Variants in IL1RL1 observed in about 807,000 individuals in gnomAD.
IL1RL1 encodes the protein interleukin 1 receptor like 1.
IL1RL1 carries 32 observed loss-of-function variants against 50.9 expected under a neutral mutation model. That is an observed-to-expected ratio of 0.63 (90% CI 0.47 to 0.84). The LOEUF (loss-of-function observed/expected upper bound fraction) is 0.84, where lower values mean the gene tolerates loss of function less well. Among genes scored for constraint, IL1RL1 ranks in the 40% least tolerant of loss-of-function variants. IL1RL1 has a pLI of 0.00. For synonymous variants in IL1RL1, 275 were observed against 236.0 expected (o/e 1.17, Z -1.51); for missense variants, 773 against 662.9 (o/e 1.17, Z -1.82).
At chr2:102,316,264 T>C (rs956050023) in intron 1 of IL1RL1, among the ~76,000 whole-genome samples, 2 of 152,242 alleles carry the variant, frequency 1.3e-5, no homozygotes, top group Non-Finnish European at 2.9e-5. Context: ...AAGACTTGTC[T>C]GTCCCTGAGC....
At chr2:102,326,248 A>G (rs1676993988) in intron 1 of IL1RL1, among the ~76,000 whole-genome samples, 1 of 152,200 alleles carries the variant, frequency 6.6e-6, no homozygotes, top group Non-Finnish European at 1.5e-5. Context: ...TATCTAGCCA[A>G]ACTAAGCTTC....
intron 1 of IL1RL1, among the ~76,000 whole-genome samples, chr2:102,331,025 G>A (rs1677164491): frequency 6.6e-6 from 1 of 152,038 alleles, no homozygotes; most frequent in Non-Finnish European, 1.5e-5. Context: ...ACTTATGTTG[G>A]CACTTTAATC....
rs764808687 is a variant in IL1RL1, at chr2:102,339,054, T to G, written c.272+7T>G. The G allele has an allele frequency of 6.3e-7, 1 of 1,592,454 alleles. No homozygotes were observed. Among genetic ancestry groups the G allele is most frequent in the Admixed American group, 1.7e-5 (1 of 59,926 alleles). On this transcript the variant is annotated splice_region_variant and intron_variant, in intron 3 of 10. Coordinates refer to ENST00000233954, the MANE Select transcript of IL1RL1 (RefSeq NM_016232.5). Reference sequence around the variant, plus strand: ...ATACCTGTATTGTCAGAAGGTATTATGCAGAAGGCTCCCATCTTCTTTCAC... The same window carrying G: ...ATACCTGTATTGTCAGAAGGTATTAGGCAGAAGGCTCCCATCTTCTTTCAC...
At position 102,347,953 on chromosome 2, in the gene IL1RL1, C is replaced by G. The variant is rs775650722; in HGVS notation, c.979C>G (p.His327Asp). The G allele has an allele frequency of 6.7e-7, 1 of 1,500,654 alleles. No homozygotes were observed. The highest frequency in any genetic ancestry group is 9.3e-7 in the Non-Finnish European group (1 of 1,077,710). 93.0% of individuals were successfully genotyped at this position (1,500,654 alleles called of 1,614,324 possible). Reference sequence around the variant, plus strand: ...TTCTTTCTTTTGAATAGTTGATCATCATAGCATCTACTGCATAATTGCAGT... The same window carrying G: ...TTCTTTCTTTTGAATAGTTGATCATGATAGCATCTACTGCATAATTGCAGT... ...RLSRKNPIDH[H>D]SIYCIIAVCS... Residue 327 changes from histidine to aspartate, a missense_variant, in exon 9 of 11, where the codon CAT becomes GAT. Transcript: ENST00000233954.
At chr2:102,311,945 T>C (rs13029428) in intron 1 of IL1RL1, among the ~76,000 whole-genome samples, 5,582 of 34,094 alleles carry the variant, frequency 0.16, 701 homozygotes, top group Middle Eastern at 0.52. Context: ...TATATAATAT[T>C]ATATATAATA....
intron 1 of IL1RL1, among the ~76,000 whole-genome samples, chr2:102,323,292 GTGTA>G (rs2104965887): frequency 6.9e-6 from 1 of 144,898 alleles, no homozygotes; most frequent in African/African-American, 2.7e-5. Flanking sequence ...GTGTGTGTGT[GTGTA>G]TATATATATG....
In IL1RL1 at chr2:102,320,507, G is replaced by A. The variant is rs951412373; in HGVS notation, c.-150+8884G>A. Among the ~76,000 whole-genome samples the A allele has an allele frequency of 2.0e-5, 3 of 152,102 alleles. No individual in the cohort carries two copies. In the South Asian group the frequency reaches 6.2e-4, roughly 32 times the overall value. On this transcript the variant is annotated intron_variant, in intron 1 of 10. Coordinates refer to ENST00000233954, the MANE Select transcript of IL1RL1 (RefSeq NM_016232.5). ...GTATCTCTAGCCCAATATGTCTCCTGAATTTCAGAAGCAGATATTCATCCT... is the reference window on the plus strand; with the variant it reads ...GTATCTCTAGCCCAATATGTCTCCTAAATTTCAGAAGCAGATATTCATCCT...
intron 1 of IL1RL1, among the ~76,000 whole-genome samples, chr2:102,333,096 G>A (rs562483060): frequency 5.1e-4 from 78 of 152,246 alleles, no homozygotes; most frequent in Non-Finnish European, 9.1e-4. Flanking sequence ...CTGTAAAGAC[G>A]TTGGCTTTTC....
rs529962079 is a variant in IL1RL1 at position 102,340,899 on chromosome 2, T to C, written c.610+71T>C. The C allele has an allele frequency of 5.5e-6, 7 of 1,270,504 alleles. No homozygotes were observed. The Admixed American group carries it at 2.0e-4, about 36-fold the overall frequency. 78.7% of individuals were successfully genotyped at this position (1,270,504 alleles called of 1,614,324 possible). ...CGAAGTGGGAACAGCGGTGCCCTTC[T>C]GGTTGGGTTTCTTGCACTTCTCCCT... On this transcript the variant is annotated intron_variant, in intron 5 of 10. Transcript: ENST00000233954.
chr2:102,315,233 G>C (rs1345206637), intron 1 of IL1RL1, among the ~76,000 whole-genome samples: 2 of 152,046 alleles, frequency 1.3e-5, no homozygotes, highest in Non-Finnish European at 2.9e-5. Context: ...AAAAGGAGTG[G>C]GATGATGTGG....
At chr2:102,347,195 C>G (rs1677809556) in intron 8 of IL1RL1, among the ~76,000 whole-genome samples, 2 of 152,204 alleles carry the variant, frequency 1.3e-5, no homozygotes, top group Admixed American at 1.3e-4. Flanking sequence ...AATGCCCTGA[C>G]AGCACCTTGT....
intron 1 of IL1RL1, among the ~76,000 whole-genome samples, chr2:102,318,719 G>C (rs1676749099): frequency 6.9e-6 from 1 of 144,008 alleles, no homozygotes; most frequent in Non-Finnish European, 1.5e-5. Context: ...GAGAGAAGAG[G>C]AGATGTGAAG....
In IL1RL1 at chr2:102,321,217, G is replaced by A. The variant is rs542060949; in HGVS notation, c.-150+9594G>A. On this transcript the variant is annotated intron_variant, in intron 1 of 10. Coordinates refer to ENST00000233954, the MANE Select transcript of IL1RL1 (RefSeq NM_016232.5). ...TCCTGCTGTATTTTTCTCCTTAAGT[G>A]GATCACACTCTAAGATCTTTTGTAA... 3.2e-3 allele frequency among the ~76,000 whole-genome samples: 487 copies of A among 152,262 alleles called. 2 individuals carry two copies. The highest frequency in any genetic ancestry group is 4.6e-3 in the Non-Finnish European group (311 of 68,028).
chr2:102,321,037 T>C (rs570307077), intron 1 of IL1RL1, among the ~76,000 whole-genome samples: 1 of 152,338 alleles, frequency 6.6e-6, no homozygotes, highest in Admixed American at 6.5e-5. Context: ...CCTCATGCCC[T>C]GTTGGCCATG....
At chr2:102,334,665 A>C (rs900192070) in intron 1 of IL1RL1, among the ~76,000 whole-genome samples, 2 of 152,200 alleles carry the variant, frequency 1.3e-5, no homozygotes, top group Admixed American at 1.3e-4. Context: ...AATTCATATA[A>C]GATTAATGTA....
chr2:102,341,527 A>T (rs1346588663), intron 5 of IL1RL1, among the ~76,000 whole-genome samples: 1 of 152,196 alleles, frequency 6.6e-6, no homozygotes, highest in Admixed American at 6.5e-5. Flanking sequence ...TACGTATGAC[A>T]GTTTTTTCAG....
intron 3 of IL1RL1, 91 bp from the exon 4 acceptor site, chr2:102,340,007 A>T (rs1677479482): frequency 1.6e-6 from 1 of 637,542 alleles, no homozygotes; most frequent in Non-Finnish European, 2.4e-6. Flanking sequence ...GGTTTTTAAG[A>T]AGAAAAGCAA....
At chr2:102,323,595 G>A (rs1036224332) in intron 1 of IL1RL1, among the ~76,000 whole-genome samples, 1 of 151,898 alleles carries the variant, frequency 6.6e-6, no homozygotes, top group African/African-American at 2.4e-5. Context: ...AGCAAGGGGT[G>A]GGGGAGTGCT....
At chr2:102,342,397 G>C in intron 6 of IL1RL1, 103 bp downstream of exon 6, 1 of 754,802 alleles carries the variant, frequency 1.3e-6, no homozygotes, top group African/African-American at 1.7e-5. Context: ...TTAGCATAAG[G>C]AACCTTGAGG....
Sources: gnomAD v4.1 joint callset for allele counts (sites outside exome capture counted in the v4.1 genomes callset) on GRCh38, gnomAD v4.1.1 for gene constraint, MANE v1.5 for transcripts, NCBI Gene and HGNC (gene_info 2026-07-23, HGNC 2026-07-21) for gene names.